ATP8B4: variants seen among roughly 807,000 people sequenced by gnomAD.
ATP8B4 encodes ATPase phospholipid transporting 8B4 (putative).
A neutral mutation model predicts 145.6 loss-of-function variants in ATP8B4; 133 were observed. The observed-to-expected ratio is 0.91, with a 90% CI of 0.79 to 1.05. The LOEUF (loss-of-function observed/expected upper bound fraction) is 1.05. Ranked by LOEUF, ATP8B4 falls within the 50% of genes least tolerant of loss-of-function variation. ATP8B4 has a pLI of 0.00. For synonymous variants in ATP8B4, 507 were observed against 492.9 expected, an observed-to-expected ratio of 1.03 and a Z score of -0.38; for missense variants, 1,458 against 1,425.2, an observed-to-expected ratio of 1.02 and a Z score of -0.37.
At chr15:50,002,404 T>G (rs1256420320) in intron 7 of ATP8B4, among the ~76,000 whole-genome samples, 181 bp from the exon 8 acceptor site, 1 of 152,172 alleles carries the variant, frequency 6.6e-6, no homozygotes, top group Non-Finnish European at 1.5e-5. Context: ...CTCTTCCCTG[T>G]TCCTCCTTTA....
intron 18 of ATP8B4, among the ~76,000 whole-genome samples, chr15:49,919,722 T>C (rs1306374633): frequency 6.6e-6 from 1 of 152,084 alleles, no homozygotes; most frequent in Non-Finnish European, 1.5e-5. Context: ...CGGCCACGAT[T>C]TTTCATCAAA....
chr15:50,097,207 C>T (rs2056045033), intron 2 of ATP8B4, among the ~76,000 whole-genome samples: 1 of 151,974 alleles, frequency 6.6e-6, no homozygotes, highest in East Asian at 1.9e-4. Flanking sequence ...AATAAAAATA[C>T]TTTTATATGC....
chr15:50,128,684 A>G (rs1048484837), intron 1 of ATP8B4, among the ~76,000 whole-genome samples: 1 of 152,240 alleles, frequency 6.6e-6, no homozygotes, highest in Non-Finnish European at 1.5e-5. Flanking sequence ...TAAATTGATC[A>G]GTGGAAGGTT....
At chr15:49,889,293 G>A (rs2036545480) in intron 23 of ATP8B4, among the ~76,000 whole-genome samples, 1 of 151,988 alleles carries the variant, frequency 6.6e-6, no homozygotes, top group Non-Finnish European at 1.5e-5. Context: ...TGTAAAACGA[G>A]GGACTGGACT....
chr15:49,973,754 T>C (rs1437469338), intron 12 of ATP8B4, among the ~76,000 whole-genome samples: 1 of 152,236 alleles, frequency 6.6e-6, no homozygotes, highest in African/African-American at 2.4e-5. Flanking sequence ...CTCAACGTCA[T>C]ACATAATGCC....
chr15:50,125,775 C>T (rs573998269), intron 1 of ATP8B4, among the ~76,000 whole-genome samples: 1 of 152,280 alleles, frequency 6.6e-6, no homozygotes, highest in Admixed American at 6.5e-5. Flanking sequence ...CAACATATAG[C>T]CAATCAATAA....
intron 2 of ATP8B4, among the ~76,000 whole-genome samples, chr15:50,094,725 T>C (rs1034913669): frequency 4.9e-5 from 7 of 143,706 alleles, no homozygotes; most frequent in African/African-American, 1.8e-4. Flanking sequence ...TATATATATA[T>C]ATACACACAC....
At chr15:50,122,201 G>A (rs1289751986), upstream of ATP8B4, among the ~76,000 whole-genome samples, 1 of 152,116 alleles carries the variant, frequency 6.6e-6, no homozygotes, top group African/African-American at 2.4e-5. Flanking sequence ...GGATGGCCTG[G>A]CCTATAGTTT....
Position 49,911,549 on chromosome 15 carries a change from T to G in ATP8B4, c.2141+5385A>C, listed in dbSNP as rs573889569. Among the ~76,000 whole-genome samples, 53 of 152,252 alleles carry G rather than the reference T, an allele frequency of 3.5e-4. 1 individual carries two copies. The South Asian group carries it at 0.011, about 32-fold the overall frequency. ...CCCAGATATATAAAGCAGATATCATTAGATCTAAAGGGAGAAGTAGACTCC... is the reference window on the plus strand; with the variant it reads ...CCCAGATATATAAAGCAGATATCATGAGATCTAAAGGGAGAAGTAGACTCC... On this transcript the variant is annotated intron_variant, in intron 20 of 27. Coordinates refer to ENST00000284509, the MANE Select transcript of ATP8B4 (RefSeq NM_024837.4).
chr15:49,877,316 C>T (rs2034606464), intron 24 of ATP8B4, among the ~76,000 whole-genome samples: 1 of 152,160 alleles, frequency 6.6e-6, no homozygotes, highest in South Asian at 2.1e-4. Flanking sequence ...CTGATAACCA[C>T]AGTGAGCACC....
At chr15:49,862,703 C>T (rs185650366) in intron 26 of ATP8B4, among the ~76,000 whole-genome samples, 2 of 152,278 alleles carry the variant, frequency 1.3e-5, no homozygotes, top group East Asian at 3.9e-4. Flanking sequence ...GATCCTCCTG[C>T]CTCGGCCTCC....
intron 6 of ATP8B4, among the ~76,000 whole-genome samples, chr15:50,023,094 T>C (rs959616556): frequency 6.6e-6 from 1 of 152,198 alleles, no homozygotes; most frequent in African/African-American, 2.4e-5. Context: ...AGCTCCAGGA[T>C]GAAGTTTTTC....
At chr15:49,878,190 C>T (rs1474062350) in intron 24 of ATP8B4, among the ~76,000 whole-genome samples, 1 of 152,118 alleles carries the variant, frequency 6.6e-6, no homozygotes, top group Non-Finnish European at 1.5e-5. Context: ...TTATTTTATT[C>T]CACATTCTGG....
chr15:49,909,722 CA>C (rs995336781), intron 20 of ATP8B4, among the ~76,000 whole-genome samples: 4,195 of 72,158 alleles, frequency 0.058, 116 homozygotes, highest in East Asian at 0.33. Context: ...CTTTGTTTAC[CA>C]AAAAAAAAAA....
At chr15:50,010,478 A>G (rs2048648664) in intron 7 of ATP8B4, among the ~76,000 whole-genome samples, 2 of 152,008 alleles carry the variant, frequency 1.3e-5, no homozygotes, top group Admixed American at 1.3e-4. Context: ...AATACTAATC[A>G]GGATATTAAC....
intron 1 of ATP8B4, among the ~76,000 whole-genome samples, chr15:50,179,647 T>C (rs1482021489): frequency 2.0e-5 from 3 of 152,296 alleles, no homozygotes; most frequent in African/African-American, 2.4e-5. Flanking sequence ...AATTTGATCA[T>C]AGGGCAGAGC....
intron 1 of ATP8B4, among the ~76,000 whole-genome samples, chr15:50,110,695 G>A (rs1395201148): frequency 6.6e-6 from 1 of 152,200 alleles, no homozygotes; most frequent in East Asian, 1.9e-4. Context: ...AAAGCTGCTA[G>A]ATGAGTCTTA....
At chr15:49,922,373 A>C (rs1306964642) in intron 17 of ATP8B4, 1 of 447,552 alleles carries the variant, frequency 2.2e-6, no homozygotes, top group African/African-American at 2.0e-5. Flanking sequence ...TGTTGTGTTC[A>C]TTAAAAAAAA....
rs569055242 is a variant in ATP8B4, at chr15:50,023,753, C to T, written c.363-12836G>A. On this transcript the variant is annotated intron_variant, in intron 6 of 27. Transcript: ENST00000284509. ...GCATGACAGCATCTCTTCACCTCTG[C>T]ACCCACAAAAAATTGAGACCAAAGG... Among the ~76,000 whole-genome samples, 403 of 129,234 alleles carry T rather than the reference C, an allele frequency of 3.1e-3. 1 individual carries two copies. The highest frequency in any genetic ancestry group is 0.012 in the African/African-American group (391 of 33,540). 84.8% of individuals were successfully genotyped at this position (129,234 alleles called of 152,430 possible).
Sources: allele counts gnomAD v4.1 joint callset (sites outside exome capture counted in the v4.1 genomes callset), GRCh38; gene constraint gnomAD v4.1.1; transcripts MANE v1.5; gene names NCBI Gene and HGNC (gene_info 2026-07-23, HGNC 2026-07-21).